The following NAV3 variants were observed in gnomAD, a reference collection of about 807,000 sequenced individuals.
NAV3 encodes the protein pore membrane and/or filament interacting like protein 1.
A neutral mutation model predicts 244.7 loss-of-function variants in NAV3; 87 were observed. The observed-to-expected ratio is 0.36, with a 90% CI of 0.30 to 0.42. The LOEUF is 0.42. NAV3 is among the 20% of genes least tolerant of loss of function. The pLI is 1.00. For synonymous variants in NAV3, 1,126 were observed against 1,042.2 expected, an observed-to-expected ratio of 1.08 and a Z score of -1.55; for missense variants, 2,663 against 2,893.3, an observed-to-expected ratio of 0.92 and a Z score of 1.83.
intron 2 of NAV3, among the ~76,000 whole-genome samples, chr12:77,589,921 A>C (rs999979984): frequency 5.9e-5 from 9 of 152,172 alleles, no homozygotes; most frequent in African/African-American, 1.9e-4. Context: ...GCTTAATCAC[A>C]TTTCTCTGTA....
chr12:77,785,492 G>A (rs1870864030), intron 2 of NAV3, among the ~76,000 whole-genome samples: 1 of 152,022 alleles, frequency 6.6e-6, no homozygotes, highest in African/African-American at 2.4e-5. Flanking sequence ...GGAGGGAGGG[G>A]ACAAAAGAAG....
intron 1 of NAV3, among the ~76,000 whole-genome samples, chr12:77,906,167 T>G (rs1454612752): frequency 6.6e-6 from 1 of 151,892 alleles, no homozygotes; most frequent in African/African-American, 2.4e-5. Context: ...TTCTGTACAA[T>G]GAGAGAAGAA....
intron 11 of NAV3, among the ~76,000 whole-genome samples, chr12:78,052,999 G>T (rs542417306): frequency 1.3e-5 from 2 of 151,830 alleles, no homozygotes; most frequent in Admixed American, 1.3e-4. Context: ...CAGATGGATC[G>T]CCTGAGGTCA....
chr12:77,730,956 A>G (rs949894308), intron 2 of NAV3, among the ~76,000 whole-genome samples: 1 of 151,948 alleles, frequency 6.6e-6, no homozygotes, highest in African/African-American at 2.4e-5. Context: ...AAGGAAAATG[A>G]TTGCCAACCT....
chr12:78,139,269 C>T (rs1956504373), intron 19 of NAV3, among the ~76,000 whole-genome samples: 1 of 152,062 alleles, frequency 6.6e-6, no homozygotes, highest in East Asian at 1.9e-4. Flanking sequence ...CCCATGTTTT[C>T]ATCTACAAGC....
intron 2 of NAV3, among the ~76,000 whole-genome samples, chr12:77,767,126 A>G (rs954577821): frequency 2.0e-5 from 3 of 152,180 alleles, no homozygotes; most frequent in African/African-American, 7.2e-5. Context: ...AGGTAGGCCC[A>G]AACCTTGTCT....
chr12:77,665,714 AT>A (rs1873683487), intron 2 of NAV3, among the ~76,000 whole-genome samples: 1 of 152,196 alleles, frequency 6.6e-6, no homozygotes, highest in Admixed American at 6.5e-5. Context: ...ATACATGATT[AT>A]TTCTAATTCC....
At chr12:77,870,377 AAAAG>A (rs1222459452) in intron 1 of NAV3, among the ~76,000 whole-genome samples, 60 of 151,858 alleles carry the variant, frequency 4.0e-4, no homozygotes, top group African/African-American at 1.5e-3. Context: ...AAAAAAAAAA[AAAAG>A]AAAAGTTTCT....
intron 20 of NAV3, among the ~76,000 whole-genome samples, chr12:78,142,413 A>G: frequency 6.6e-6 from 1 of 152,054 alleles, no homozygotes; most frequent in East Asian, 1.9e-4. Context: ...ATATGTTGCC[A>G]TTGATTATTT....
chr12:77,971,196 T>C (rs781408450), intron 5 of NAV3, among the ~76,000 whole-genome samples: 3 of 152,144 alleles, frequency 2.0e-5, no homozygotes, highest in Non-Finnish European at 2.9e-5. Context: ...GATTTTTCAT[T>C]ACAAGTTTAT....
At chr12:77,745,973 G>C (rs1229472977) in intron 2 of NAV3, among the ~76,000 whole-genome samples, 1 of 129,834 alleles carries the variant, frequency 7.7e-6, no homozygotes, top group Non-Finnish European at 1.6e-5. Context: ...CACAAAATTG[G>C]TTAAAGACTT....
intron 2 of NAV3, among the ~76,000 whole-genome samples, chr12:77,775,056 A>T (rs1262704190): frequency 6.6e-6 from 1 of 152,188 alleles, no homozygotes; most frequent in Non-Finnish European, 1.5e-5. Context: ...ACCATTTTAT[A>T]TCAGGAGCTA....
intron 1 of NAV3, among the ~76,000 whole-genome samples, chr12:77,883,218 G>T (rs1215351988): frequency 1.3e-5 from 2 of 152,062 alleles, no homozygotes; most frequent in Non-Finnish European, 2.9e-5. Flanking sequence ...ACAGTGGATT[G>T]GTTAAAGAAA....
At chr12:77,795,082 A>G (rs1296308887) in intron 2 of NAV3, among the ~76,000 whole-genome samples, 2 of 152,244 alleles carry the variant, frequency 1.3e-5, no homozygotes, top group Non-Finnish European at 2.9e-5. Flanking sequence ...GCACATTGAA[A>G]GCCAAGATAG....
intron 2 of NAV3, among the ~76,000 whole-genome samples, chr12:77,807,601 C>T: frequency 6.6e-6 from 1 of 152,150 alleles, no homozygotes. Context: ...CTCTGGCTGC[C>T]CATAATATTT....
intron 6 of NAV3, among the ~76,000 whole-genome samples, chr12:77,997,987 AAAGTTAAGTGT>A (rs1210311748): frequency 5.3e-5 from 8 of 152,246 alleles, no homozygotes; most frequent in Non-Finnish European, 1.5e-5. Context: ...CTGAGAACAT[AAAGTTAAGTGT>A]TATTGTTTCC....
intron 1 of NAV3, among the ~76,000 whole-genome samples, chr12:77,847,437 T>A (rs1876826977): frequency 6.6e-6 from 1 of 152,196 alleles, no homozygotes; most frequent in East Asian, 1.9e-4. Context: ...ACACATTTTC[T>A]TTAGCTCTTA....
At chr12:77,647,328 G>A (rs190343730) in intron 2 of NAV3, among the ~76,000 whole-genome samples, 1 of 152,048 alleles carries the variant, frequency 6.6e-6, no homozygotes, top group Non-Finnish European at 1.5e-5. Flanking sequence ...GACTTTAAAC[G>A]CCTTAGCTGG....
intron 2 of NAV3, among the ~76,000 whole-genome samples, chr12:77,768,243 C>G (rs992170683): frequency 6.6e-6 from 1 of 152,188 alleles, no homozygotes; most frequent in Admixed American, 6.5e-5. Context: ...CACTCCAGGC[C>G]CTGGACTCCA....
Sources: allele counts gnomAD v4.1 joint callset (sites outside exome capture counted in the v4.1 genomes callset), GRCh38; gene constraint gnomAD v4.1.1; transcripts MANE v1.5; gene names NCBI Gene and HGNC (gene_info 2026-07-23, HGNC 2026-07-21).